The following HIVEP3 variants were observed in gnomAD, a reference collection of about 807,000 sequenced individuals.
HIVEP3 encodes the protein transcription factor HIVEP3.
Under a neutral mutation model 152.8 loss-of-function variants are expected in HIVEP3, and 49 were observed. The observed-to-expected ratio is 0.32, with a 90% CI of 0.26 to 0.41. HIVEP3 has a LOEUF of 0.41. HIVEP3 is among the 10% of genes least tolerant of loss of function. The probability of loss-of-function intolerance (pLI) is 1.00; values close to 1 mark genes in which losing one functional copy is unlikely to be tolerated. For synonymous variants in HIVEP3, 1,269 were observed against 1,289.0 expected, an observed-to-expected ratio of 0.98 and a Z score of 0.33; for missense variants, 2,790 against 3,103.3, an observed-to-expected ratio of 0.90 and a Z score of 2.40.
chr1:41,889,665 T>C (rs1460163729), intron 1 of HIVEP3, among the ~76,000 whole-genome samples: 1 of 152,172 alleles, frequency 6.6e-6, no homozygotes, highest in East Asian at 1.9e-4. Context: ...TCCCATATGT[T>C]AGTGTGTATC....
At chr1:41,553,257 CTTCT>C (rs1278236621) in intron 5 of HIVEP3, among the ~76,000 whole-genome samples, 5 of 152,136 alleles carry the variant, frequency 3.3e-5, no homozygotes, top group Non-Finnish European at 7.3e-5. Flanking sequence ...ATGTAATGGC[CTTCT>C]TTGTCTCTTT....
At chr1:41,863,358 C>G (rs569704499) in intron 1 of HIVEP3, among the ~76,000 whole-genome samples, 4 of 152,240 alleles carry the variant, frequency 2.6e-5, no homozygotes, top group African/African-American at 7.2e-5. Flanking sequence ...ATCTGTAGAG[C>G]CTGGAATCTG....
intron 1 of HIVEP3, among the ~76,000 whole-genome samples, chr1:41,845,738 T>C (rs952748242): frequency 6.6e-6 from 1 of 152,178 alleles, no homozygotes; most frequent in Admixed American, 6.5e-5. Context: ...TTGAACTATA[T>C]GAATGTAATT....
chr1:41,525,623 G>A (rs113917729), intron 5 of HIVEP3, among the ~76,000 whole-genome samples: 1 of 152,194 alleles, frequency 6.6e-6, no homozygotes, highest in Non-Finnish European at 1.5e-5. Flanking sequence ...ACGTCAGCCT[G>A]CAAGCTCTGC....
chr1:41,853,457 A>G (rs1422304813), intron 1 of HIVEP3, among the ~76,000 whole-genome samples: 1 of 152,218 alleles, frequency 6.6e-6, no homozygotes, highest in African/African-American at 2.4e-5. Context: ...GAACTACCAA[A>G]CAATTATAAA....
At chr1:41,560,050 A>G (rs997504482) in intron 5 of HIVEP3, among the ~76,000 whole-genome samples, 6 of 152,236 alleles carry the variant, frequency 3.9e-5, no homozygotes, top group African/African-American at 1.4e-4. Flanking sequence ...TACTCTGCTG[A>G]AAAGTAATGG....
chr1:41,607,649 C>T (rs2149129830), intron 3 of HIVEP3, among the ~76,000 whole-genome samples: 1 of 151,234 alleles, frequency 6.6e-6, no homozygotes, highest in Non-Finnish European at 1.5e-5. Context: ...TGGTTTGCTT[C>T]CAATGTTTGG....
At position 41,513,468 on chromosome 1, in the gene HIVEP3, A is replaced by C. The variant is rs1410747226; in HGVS notation, c.5753T>G (p.Val1918Gly). The part of the protein sequence containing the change: ...SGTEATRGSS[V>G]SEAERLTASS... ...GGCTGTCAGGCGCTCAGCTTCCGAG[A>C]CCGAGCTGCCTCGTGTAGCCTCCGT... The change falls in exon 8 of 9, where the codon GTC becomes GGC. Residue 1918 changes from valine to glycine, a missense_variant. Coordinates refer to ENST00000372583, the MANE Select transcript of HIVEP3 (RefSeq NM_024503.5). 2 of 1,611,118 alleles carry C rather than the reference A, an allele frequency of 1.2e-6. No individual in the cohort carries two copies. Among genetic ancestry groups the C allele is most frequent in the Non-Finnish European group, 1.7e-6 (2 of 1,179,498 alleles).
intron 1 of HIVEP3, among the ~76,000 whole-genome samples, chr1:41,789,416 A>G (rs349433): frequency 0.61 from 92,487 of 152,098 alleles, 29,264 homozygotes; most frequent in African/African-American, 0.8. Flanking sequence ...TTGTCATGAA[A>G]ACCAATTTTA....
At chr1:41,655,652 G>A (rs1645618955) in intron 2 of HIVEP3, among the ~76,000 whole-genome samples, 1 of 149,380 alleles carries the variant, frequency 6.7e-6, no homozygotes, top group African/African-American at 2.5e-5. Context: ...CCTCCCCACG[G>A]CATTCTCTAA....
At chr1:42,002,960 T>C (rs1399448289) in intron 1 of HIVEP3, among the ~76,000 whole-genome samples, 3 of 152,208 alleles carry the variant, frequency 2.0e-5, no homozygotes, top group African/African-American at 7.2e-5. Context: ...AGACTGTGAG[T>C]TTATTAGCAT....
At chr1:41,764,716 G>A (rs11210523) in intron 1 of HIVEP3, among the ~76,000 whole-genome samples, 53,277 of 152,078 alleles carry the variant, frequency 0.35, 9,518 homozygotes, top group East Asian at 0.47. Flanking sequence ...CAGGCACTGG[G>A]AATGTAGAGA....
Position 41,510,467 on chromosome 1 carries a change from A to T in HIVEP3, c.7205T>A (p.Val2402Asp). 1 of 1,518,862 alleles carries T rather than the reference A, an allele frequency of 6.6e-7. No homozygotes were observed. 94.1% of individuals were successfully genotyped at this position (1,518,862 alleles called of 1,614,324 possible). A position where few individuals can be genotyped will look rare whatever the true frequency, so the allele number is the denominator to read the frequency against. The change falls in exon 9 of 9, where the codon GTT becomes GAT. Residue 2402 changes from valine to aspartate, a missense_variant. Transcript: ENST00000372583. ...GGAGAGAGGCTAAGCGTTGGGGGGA[A>T]CCCTGTCCTCAGGCTGATGTGGATG... ...RAHPHQPEDR[V>D]PPNA
intron 1 of HIVEP3, among the ~76,000 whole-genome samples, chr1:42,031,130 C>G (rs1557569412): frequency 6.6e-6 from 1 of 152,204 alleles, no homozygotes; most frequent in Non-Finnish European, 1.5e-5. Flanking sequence ...TTCCCTAGAA[C>G]TTTTCAAAAG....
At chr1:41,760,595 T>A (rs933273046) in intron 1 of HIVEP3, among the ~76,000 whole-genome samples, 3 of 152,242 alleles carry the variant, frequency 2.0e-5, no homozygotes, top group African/African-American at 7.2e-5. Flanking sequence ...CAATAGATAC[T>A]TGCTGATTGA....
At chr1:41,843,508 T>C (rs185402158) in intron 1 of HIVEP3, among the ~76,000 whole-genome samples, 119 of 151,842 alleles carry the variant, frequency 7.8e-4, no homozygotes, top group African/African-American at 2.7e-3. Context: ...GTAAAGAATG[T>C]GAAACCCAAT....
chr1:41,512,050 A>G (rs1386567323), intron 8 of HIVEP3, among the ~76,000 whole-genome samples: 1 of 152,168 alleles, frequency 6.6e-6, no homozygotes, highest in African/African-American at 2.4e-5. Context: ...AAGTTGTGCC[A>G]TCTGCTCAAA....
At chr1:42,007,342 T>TA (rs767871701) in intron 1 of HIVEP3, among the ~76,000 whole-genome samples, 8 of 152,202 alleles carry the variant, frequency 5.3e-5, no homozygotes, top group Non-Finnish European at 1.0e-4. Flanking sequence ...TTCTAGAGAT[T>TA]AAGACATTTT....
chr1:42,023,662 T>G (rs1023469228), intron 1 of HIVEP3, among the ~76,000 whole-genome samples: 3 of 152,128 alleles, frequency 2.0e-5, no homozygotes, highest in African/African-American at 7.2e-5. Flanking sequence ...ATTCTCTCTC[T>G]CTTGCTCCTA....
Sources: allele counts gnomAD v4.1 joint callset (sites outside exome capture counted in the v4.1 genomes callset), GRCh38; gene constraint gnomAD v4.1.1; transcripts MANE v1.5; gene names NCBI Gene and HGNC (gene_info 2026-07-23, HGNC 2026-07-21).